The following LDAH variants were observed in gnomAD, a reference collection of about 807,000 sequenced individuals.
LDAH encodes lipid droplet-associated hydrolase.
LDAH carries 26 observed loss-of-function variants against 29.6 expected under a neutral mutation model. The observed-to-expected ratio is 0.88, with a 90% CI of 0.64 to 1.22. The LOEUF (loss-of-function observed/expected upper bound fraction) is 1.22. LDAH is among the 50% of genes most tolerant of loss of function. The probability of loss-of-function intolerance (pLI) is 0.00; values close to 1 mark genes in which losing one functional copy is unlikely to be tolerated. For synonymous variants in LDAH, 117 were observed against 133.0 expected, an observed-to-expected ratio of 0.88 and a Z score of 0.83; for missense variants, 344 against 387.3, an observed-to-expected ratio of 0.89 and a Z score of 0.94.
intron 3 of LDAH, among the ~76,000 whole-genome samples, chr2:20,779,963 C>T (rs574183150): frequency 4.7e-4 from 71 of 152,206 alleles, no homozygotes; most frequent in African/African-American, 1.7e-3. Flanking sequence ...GAACTGTGGT[C>T]CCTAATTCTG....
intron 2 of LDAH, among the ~76,000 whole-genome samples, chr2:20,797,989 T>C (rs373969338): frequency 3.3e-5 from 5 of 152,144 alleles, no homozygotes; most frequent in Non-Finnish European, 7.4e-5. Context: ...AAAATGTGGG[T>C]AGAGAATCTT....
At chr2:20,708,231 G>A (rs535896694) in intron 5 of LDAH, among the ~76,000 whole-genome samples, 4 of 152,194 alleles carry the variant, frequency 2.6e-5, no homozygotes, top group African/African-American at 7.2e-5. Context: ...CCACAAAACC[G>A]GTCCCTGGTT....
intron 5 of LDAH, among the ~76,000 whole-genome samples, chr2:20,729,281 G>C (rs983102584): frequency 6.6e-6 from 1 of 152,036 alleles, no homozygotes; most frequent in African/African-American, 2.4e-5. Context: ...CAGAAAAAGT[G>C]GAAAATACCT....
intron 1 of LDAH, among the ~76,000 whole-genome samples, chr2:20,820,917 A>G (rs1673231690): frequency 7.0e-6 from 1 of 142,098 alleles, no homozygotes; most frequent in Admixed American, 7.1e-5. Flanking sequence ...ACAAATTTAC[A>G]AGAAAAAAAC....
intron 5 of LDAH, among the ~76,000 whole-genome samples, chr2:20,705,514 T>G (rs548263947): frequency 6.6e-6 from 1 of 152,324 alleles, no homozygotes; most frequent in South Asian, 2.1e-4. Flanking sequence ...TTTCTGGAAC[T>G]CCTACTAGTA....
chr2:20,701,169 C>T (rs1034662599), intron 6 of LDAH, among the ~76,000 whole-genome samples: 2 of 152,154 alleles, frequency 1.3e-5, no homozygotes, highest in African/African-American at 4.8e-5. Context: ...TACTCTAACA[C>T]ATTAGAGAAT....
chr2:20,718,882 A>G (rs1665439517), intron 5 of LDAH, among the ~76,000 whole-genome samples: 1 of 151,872 alleles, frequency 6.6e-6, no homozygotes. Context: ...GTACAAATAC[A>G]TGGAAATTAA....
chr2:20,787,866 T>C (rs1454336897), intron 3 of LDAH, among the ~76,000 whole-genome samples: 1 of 152,228 alleles, frequency 6.6e-6, no homozygotes, highest in Non-Finnish European at 1.5e-5. Flanking sequence ...ACTAAAAATA[T>C]GGTCCCTTGT....
intron 3 of LDAH, among the ~76,000 whole-genome samples, chr2:20,779,961 G>A (rs1244551172): frequency 1.3e-5 from 2 of 152,068 alleles, no homozygotes; most frequent in Admixed American, 1.3e-4. Context: ...GAGAACTGTG[G>A]TCCCTAATTC....
chr2:20,684,601 C>T lies in LDAH; in HGVS notation c.*2302G>A. 1 of 292,660 alleles carries T rather than the reference C, an allele frequency of 3.4e-6. No homozygotes were observed. Among genetic ancestry groups the T allele is most frequent in the Non-Finnish European group, 6.3e-6 (1 of 159,310 alleles). 18.1% of individuals were successfully genotyped at this position (292,660 alleles called of 1,614,324 possible). On this transcript the variant is annotated 3_prime_UTR_variant, in exon 7 of 7. Transcript: ENST00000237822. ...CAAGCCTTTGGTGGTCCGTGTCTCT[C>T]CAAAGGTTGAGTGGAGAAGCGTATG...
chr2:20,821,825 A>G (rs1024234974), intron 1 of LDAH, among the ~76,000 whole-genome samples: 3 of 152,226 alleles, frequency 2.0e-5, no homozygotes, highest in African/African-American at 7.2e-5. Context: ...TTAAGTTATC[A>G]AAAAGCAAAA....
At chr2:20,777,455 C>T (rs1313995091) in intron 3 of LDAH, among the ~76,000 whole-genome samples, 2 of 152,116 alleles carry the variant, frequency 1.3e-5, no homozygotes, top group Non-Finnish European at 2.9e-5. Context: ...GATGGAGTCT[C>T]ACTCTGTCGC....
At chr2:20,704,923 T>C (rs1413811073) in intron 5 of LDAH, among the ~76,000 whole-genome samples, 1 of 152,250 alleles carries the variant, frequency 6.6e-6, no homozygotes, top group Non-Finnish European at 1.5e-5. Flanking sequence ...TCCATTCTTT[T>C]GATCCAATCT....
chr2:20,797,821 A>T (rs1381786666), intron 2 of LDAH, among the ~76,000 whole-genome samples: 4 of 151,842 alleles, frequency 2.6e-5, no homozygotes, highest in African/African-American at 9.7e-5. Context: ...TAAACATGAG[A>T]CTACAAAAAA....
At chr2:20,722,231 G>A (rs1225455393) in intron 5 of LDAH, among the ~76,000 whole-genome samples, 2 of 151,944 alleles carry the variant, frequency 1.3e-5, no homozygotes, top group African/African-American at 4.8e-5. Context: ...AAAATTAGCC[G>A]AGCGTGGTGG....
In LDAH at chr2:20,711,447, G is replaced by A. The variant is rs567657578; in HGVS notation, c.704-9795C>T. Among the ~76,000 whole-genome samples, 67 of 151,842 alleles carry A rather than the reference G, an allele frequency of 4.4e-4. No individual in the cohort carries two copies. In the South Asian group the frequency reaches 0.011, roughly 25 times the overall value. On this transcript the variant is annotated intron_variant, in intron 5 of 6. Transcript: ENST00000237822. ...AAGATGGCCGAATAGGAACAGCTCCGGTCTGCAGCTTCCAGCATGATTGAC... is the reference window on the plus strand; with the variant it reads ...AAGATGGCCGAATAGGAACAGCTCCAGTCTGCAGCTTCCAGCATGATTGAC...
chr2:20,800,778 CA>C (rs1289097073), intron 2 of LDAH, among the ~76,000 whole-genome samples: 3 of 152,082 alleles, frequency 2.0e-5, no homozygotes, highest in Non-Finnish European at 4.4e-5. Context: ...GGACTATAGG[CA>C]TGTGCCACCA....
intron 1 of LDAH, among the ~76,000 whole-genome samples, chr2:20,809,397 CA>C (rs929657671): frequency 1.1e-4 from 16 of 149,478 alleles, no homozygotes; most frequent in African/African-American, 3.2e-4. Context: ...GAGTTCATCT[CA>C]AAAAAAAAGG....
rs564057612 is a variant in LDAH, at chr2:20,705,659, A to T, written c.704-4007T>A. On this transcript the variant is annotated intron_variant, in intron 5 of 6. Transcript: ENST00000237822. ...TAGTGGGGGAGAGAATGAGACTTAA[A>T]GTGCTTATAGTATGAAAAAGAATAA... Among the ~76,000 whole-genome samples, 434 of 152,310 alleles carry T rather than the reference A, an allele frequency of 2.8e-3. 3 individuals are homozygous for T. The highest frequency in any genetic ancestry group is 3.4e-3 in the Middle Eastern group (1 of 294).
Sources: allele counts gnomAD v4.1 joint callset (sites outside exome capture counted in the v4.1 genomes callset), GRCh38; gene constraint gnomAD v4.1.1; transcripts MANE v1.5; gene names NCBI Gene and HGNC (gene_info 2026-07-23, HGNC 2026-07-21).